Variants in ASTN2 observed in about 807,000 individuals in gnomAD.
The protein encoded by ASTN2 is astrotactin 2.
Under a neutral mutation model 139.8 loss-of-function variants are expected in ASTN2, and 54 were observed. That is an observed-to-expected ratio of 0.39 (90% CI 0.31 to 0.48). ASTN2 has a LOEUF of 0.48. ASTN2 is among the 20% of genes least tolerant of loss of function. The probability of loss-of-function intolerance (pLI) is 0.95; values close to 1 mark genes in which losing one functional copy is unlikely to be tolerated. For missense variants in ASTN2, 1,565 were observed against 1,725.1 expected (o/e 0.91, Z 1.64); for synonymous variants, 756 against 719.5 (o/e 1.05, Z -0.81).
At chr9:117,184,547 T>C (rs1831151017) in intron 3 of ASTN2, among the ~76,000 whole-genome samples, 1 of 152,168 alleles carries the variant, frequency 6.6e-6, no homozygotes, top group Non-Finnish European at 1.5e-5. Context: ...GCCTCAGCCA[T>C]CTCAGAATGA....
intron 1 of ASTN2, among the ~76,000 whole-genome samples, chr9:117,305,655 T>A (rs1834980029): frequency 6.6e-6 from 1 of 152,256 alleles, no homozygotes; most frequent in South Asian, 2.1e-4. Context: ...GTCTTAGTCA[T>A]CATGTATCAC....
At chr9:117,327,838 A>G (rs1398013860) in intron 1 of ASTN2, among the ~76,000 whole-genome samples, 4 of 152,228 alleles carry the variant, frequency 2.6e-5, no homozygotes, top group Non-Finnish European at 5.9e-5. Context: ...CAATCATTCA[A>G]CAGATTTATT....
intron 22 of ASTN2, among the ~76,000 whole-genome samples, chr9:116,438,034 G>A (rs555024952): frequency 5.3e-5 from 8 of 152,222 alleles, no homozygotes; most frequent in Non-Finnish European, 7.4e-5. Context: ...TGCCCCATGG[G>A]ACCTCAATTT....
intron 19 of ASTN2, among the ~76,000 whole-genome samples, chr9:116,502,978 AGGAGAGAGGGAG>A (rs1481504584): frequency 2.1e-5 from 3 of 142,198 alleles, no homozygotes; most frequent in Non-Finnish European, 3.1e-5. Context: ...AAGGGAAGGA[AGGAGAGAGGGAG>A]GGAGAGAGGG....
intron 19 of ASTN2, among the ~76,000 whole-genome samples, chr9:116,617,448 T>A (rs2131819785): frequency 6.6e-6 from 1 of 152,324 alleles, no homozygotes; most frequent in East Asian, 1.9e-4. Flanking sequence ...GTTTATAATT[T>A]AATTGGGCAA....
At chr9:116,469,093 G>A (rs963302263) in intron 20 of ASTN2, among the ~76,000 whole-genome samples, 5 of 152,200 alleles carry the variant, frequency 3.3e-5, no homozygotes, top group African/African-American at 1.2e-4. Flanking sequence ...TGGAAGCAGA[G>A]ACAATGTCTC....
chr9:116,656,516 G>T (rs1858221563), intron 16 of ASTN2, among the ~76,000 whole-genome samples: 1 of 152,134 alleles, frequency 6.6e-6, no homozygotes, highest in Non-Finnish European at 1.5e-5. Context: ...CTTATCCTCT[G>T]TTCACATTTC....
At chr9:116,954,895 AC>A (rs1426399973) in intron 10 of ASTN2, among the ~76,000 whole-genome samples, 16 of 152,366 alleles carry the variant, frequency 1.1e-4, no homozygotes, top group Middle Eastern at 3.4e-3. Context: ...GACCTACTGA[AC>A]CAGAAAACCT....
chr9:117,161,077 G>GTAA (rs1469155336), intron 3 of ASTN2, among the ~76,000 whole-genome samples: 2 of 152,012 alleles, frequency 1.3e-5, no homozygotes, highest in Non-Finnish European at 2.9e-5. Context: ...TCTTATCTAT[G>GTAA]TAATTGGTTT....
At chr9:117,028,703 T>C (rs1007219659) in intron 6 of ASTN2, among the ~76,000 whole-genome samples, 1 of 152,046 alleles carries the variant, frequency 6.6e-6, no homozygotes, top group Non-Finnish European at 1.5e-5. Flanking sequence ...TTTGCTCAGC[T>C]GTCTCTGCTC....
chr9:116,497,806 T>C (rs1849716397), intron 19 of ASTN2, among the ~76,000 whole-genome samples: 1 of 152,222 alleles, frequency 6.6e-6, no homozygotes, highest in Admixed American at 6.5e-5. Context: ...TCACTGCCTT[T>C]GAAGCACTCA....
chr9:116,920,768 G>A (rs903092058), intron 10 of ASTN2, among the ~76,000 whole-genome samples: 4 of 152,250 alleles, frequency 2.6e-5, no homozygotes, highest in South Asian at 4.1e-4. Context: ...AGGTCACTAC[G>A]ATTACTAACT....
At chr9:116,467,661 C>T (rs913648736) in intron 20 of ASTN2, among the ~76,000 whole-genome samples, 2 of 152,226 alleles carry the variant, frequency 1.3e-5, no homozygotes, top group East Asian at 1.9e-4. Flanking sequence ...CAGATACATT[C>T]TATTTTCCTT....
At chr9:116,851,538 A>C (rs894714017) in intron 11 of ASTN2, among the ~76,000 whole-genome samples, 6 of 150,494 alleles carry the variant, frequency 4.0e-5, no homozygotes, top group Non-Finnish European at 5.9e-5. Context: ...ATCTTATAGT[A>C]AATCTACTAA....
intron 5 of ASTN2, among the ~76,000 whole-genome samples, chr9:117,053,802 G>A (rs1838980406): frequency 6.6e-6 from 1 of 152,176 alleles, no homozygotes; most frequent in Non-Finnish European, 1.5e-5. Flanking sequence ...TGGATGTAGA[G>A]GTTCAGCTGC....
At chr9:117,403,542 C>A (rs1349185984) in intron 1 of ASTN2, among the ~76,000 whole-genome samples, 2 of 151,928 alleles carry the variant, frequency 1.3e-5, no homozygotes, top group Admixed American at 6.6e-5. Context: ...CGATGCCCCA[C>A]CCCCTTCCCT....
chr9:116,504,907 A>AAC (rs1850042672), intron 19 of ASTN2, among the ~76,000 whole-genome samples: 1 of 150,810 alleles, frequency 6.6e-6, no homozygotes. Flanking sequence ...AAAAAAAAAA[A>AAC]AAAAAAACCC....
At chr9:117,348,308 G>T (rs1192555803) in intron 1 of ASTN2, among the ~76,000 whole-genome samples, 1 of 152,082 alleles carries the variant, frequency 6.6e-6, no homozygotes, top group Non-Finnish European at 1.5e-5. Context: ...CAAAATATTG[G>T]GGATTAACTC....
chr9:117,217,343 C>T (rs114246659), intron 2 of ASTN2, among the ~76,000 whole-genome samples: 2,084 of 152,170 alleles, frequency 0.014, 51 homozygotes, highest in African/African-American at 0.047. Flanking sequence ...TTACATGGTT[C>T]CTGGGCCTTC....
Sources: gnomAD v4.1 joint callset for allele counts (sites outside exome capture counted in the v4.1 genomes callset) on GRCh38, gnomAD v4.1.1 for gene constraint, MANE v1.5 for transcripts, NCBI Gene and HGNC (gene_info 2026-07-23, HGNC 2026-07-21) for gene names.